Variants in ZNF567 observed in about 807,000 individuals in gnomAD.
The protein encoded by ZNF567 is zinc finger protein 567.
A neutral mutation model predicts 53.9 loss-of-function variants in ZNF567; 36 were observed. That is an observed-to-expected ratio of 0.67 (90% CI 0.51 to 0.88). ZNF567 has a LOEUF of 0.88. ZNF567 is among the 40% of genes least tolerant of loss of function. The probability of loss-of-function intolerance (pLI) is 0.00; values close to 1 mark genes in which losing one functional copy is unlikely to be tolerated. For synonymous variants in ZNF567, 224 were observed against 260.4 expected (o/e 0.86, Z 1.35); for missense variants, 619 against 764.7 (o/e 0.81, Z 2.25).
the ZNF567 span, among the ~76,000 whole-genome samples, chr19:36,674,949 C>T: frequency 1.3e-5 from 2 of 152,098 alleles, no homozygotes; most frequent in African/African-American, 4.8e-5. Flanking sequence ...AGATGGGTTT[C>T]ACCATGTTGG....
intron 2 of ZNF567, 91 bp from the exon 3 acceptor site, chr19:36,694,710 AG>A (rs1326964374): frequency 2.2e-5 from 14 of 634,976 alleles, no homozygotes; most frequent in East Asian, 1.8e-4. Context: ...GATCAATACA[AG>A]GGAAATGGAG....
At chr19:36,673,125 G>A in the ZNF567 span, among the ~76,000 whole-genome samples, 1 of 152,156 alleles carries the variant, frequency 6.6e-6, no homozygotes, top group Admixed American at 6.5e-5. Context: ...GGATATCAGG[G>A]AGAAGCATTA....
chr19:36,720,352 G>A lies in ZNF567; in HGVS notation c.1628G>A (p.Arg543His), dbSNP rs752551172. The part of the protein sequence containing the change: ...YVCNECGKSF[R>H]QKATLTVHQK... ...TGTAATGAATGTGGGAAGTCCTTTC[G>A]CCAGAAAGCAACCCTCACTGTACAT... Residue 543 changes from arginine to histidine, a missense_variant, in exon 6 of 6, where the codon CGC becomes CAC. Transcript: ENST00000682579. 2.0e-5 allele frequency: 32 copies of A among 1,613,992 alleles called. No individual in the cohort carries two copies. Among genetic ancestry groups the A allele is most frequent in the South Asian group, 3.3e-5 (3 of 91,082 alleles).
chr19:36,721,578 C>T (rs1274765631), downstream of ZNF567, among the ~76,000 whole-genome samples: 1 of 151,900 alleles, frequency 6.6e-6, no homozygotes, highest in South Asian at 2.1e-4. Flanking sequence ...CAAGCAAATT[C>T]GTATTGGAGG....
the ZNF567 span, among the ~76,000 whole-genome samples, chr19:36,667,656 C>CTTTTTTTTTTTTTTT: frequency 7.4e-6 from 1 of 134,924 alleles, no homozygotes; most frequent in Non-Finnish European, 1.6e-5. Flanking sequence ...TTTTTTTTTT[C>CTTTTTTTTTTTTTTT]TTTTTTTTTT....
the ZNF567 span, among the ~76,000 whole-genome samples, chr19:36,675,224 G>T: frequency 6.6e-6 from 1 of 152,120 alleles, no homozygotes; most frequent in Non-Finnish European, 1.5e-5. Flanking sequence ...CAGTATCACA[G>T]CCTATTAAAT....
At chr19:36,711,708 C>A (rs2039796824) in intron 3 of ZNF567, 1 of 152,198 alleles carries the variant, frequency 6.6e-6, no homozygotes, top group Non-Finnish European at 1.5e-5. Flanking sequence ...GTACATACTT[C>A]TTTGTTGTAC....
chr19:36,702,878 C>A (rs1224975628), intron 3 of ZNF567, among the ~76,000 whole-genome samples: 2 of 152,146 alleles, frequency 1.3e-5, no homozygotes, highest in Non-Finnish European at 2.9e-5. Flanking sequence ...GAATTTCTTC[C>A]TGTAGCTCAG....
At chr19:36,700,275 A>C (rs2039108034) in intron 3 of ZNF567, among the ~76,000 whole-genome samples, 1 of 146,638 alleles carries the variant, frequency 6.8e-6, no homozygotes, top group Non-Finnish European at 1.5e-5. Context: ...GATGAAGCCC[A>C]CTTGATCATG....
At chr19:36,693,009 G>A (rs1056276024) in intron 2 of ZNF567, among the ~76,000 whole-genome samples, 11 of 152,050 alleles carry the variant, frequency 7.2e-5, no homozygotes, top group East Asian at 5.8e-4. Flanking sequence ...GGGAGTAGGC[G>A]GTATGTGGTG....
chr19:36,716,748 A>G, intron 5 of ZNF567, among the ~76,000 whole-genome samples: 1 of 152,214 alleles, frequency 6.6e-6, no homozygotes, highest in Admixed American at 6.5e-5. Flanking sequence ...GTACCTACTC[A>G]TGCTGTGTCC....
the ZNF567 span, among the ~76,000 whole-genome samples, chr19:36,667,207 G>A: frequency 2.0e-5 from 3 of 152,128 alleles, no homozygotes. Flanking sequence ...TGACGGTGAG[G>A]GTGTAGCGCG....
intron 4 of ZNF567, 79 bp downstream of exon 4, chr19:36,712,591 A>C: frequency 9.5e-6 from 15 of 1,574,512 alleles, no homozygotes; most frequent in Non-Finnish European, 1.1e-5. Context: ...CTTGAATTTC[A>C]GGAATAAGAG....
At chr19:36,713,694 G>T (rs1415315530) in intron 5 of ZNF567, among the ~76,000 whole-genome samples, 1 of 152,110 alleles carries the variant, frequency 6.6e-6, no homozygotes, top group Non-Finnish European at 1.5e-5. Context: ...TAGCACTTCG[G>T]GAGGCTGAGG....
chr19:36,703,460 C>G (rs1207361570), intron 3 of ZNF567, among the ~76,000 whole-genome samples: 1 of 152,108 alleles, frequency 6.6e-6, no homozygotes, highest in East Asian at 1.9e-4. Flanking sequence ...CTCTTCAAAG[C>G]TGTCAGACAG....
At chr19:36,706,979 A>G (rs552868084) in intron 3 of ZNF567, among the ~76,000 whole-genome samples, 25 of 151,800 alleles carry the variant, frequency 1.6e-4, no homozygotes, top group Admixed American at 3.9e-4. Context: ...TTATTTACCT[A>G]TGTTTTAACG....
Position 36,720,198 on chromosome 19 carries a change from C to A in ZNF567, c.1474C>A (p.Leu492Ile). 1 of 1,614,004 alleles carries A rather than the reference C, an allele frequency of 6.2e-7. No homozygotes were observed. The highest frequency in any genetic ancestry group is 1.1e-5 in the South Asian group (1 of 91,074). ...GAAGGCCTTTAGAATGAAGTCATAC[C>A]TCATTGATCATCACCGAACTCACAC... The part of the protein sequence containing the change: ...CGKAFRMKSY[L>I]IDHHRTHTGE... The change falls in exon 6 of 6, where the codon CTC (leucine) becomes ATC (isoleucine). Residue 492 changes from leucine to isoleucine, a missense_variant. Transcript: ENST00000682579.
chr19:36,693,137 A>AG (rs2038706506), intron 2 of ZNF567, among the ~76,000 whole-genome samples: 1 of 152,004 alleles, frequency 6.6e-6, no homozygotes, highest in Non-Finnish European at 1.5e-5. Flanking sequence ...AAAAAAAAAA[A>AG]GTTAGCCGGT....
rs764425967 is a variant in ZNF567 at position 36,694,785 on chromosome 19, C to G, written c.-66-17C>G. 7.1e-7 allele frequency: 1 copy of G among 1,399,602 alleles called. No individual in the cohort carries two copies. Among genetic ancestry groups the G allele is most frequent in the African/African-American group, 1.5e-5 (1 of 67,872 alleles). 86.7% of individuals were successfully genotyped at this position (1,399,602 alleles called of 1,614,324 possible). On this transcript the variant is annotated splice_polypyrimidine_tract_variant and intron_variant, in intron 2 of 5. Transcript: ENST00000682579. ...TGGTCTCATGTGGCTTTTTTTGTCT[C>G]GGCTTTGCCTCCTTAGGAACTGCCT...
Sources: gnomAD v4.1 joint callset for allele counts (sites outside exome capture counted in the v4.1 genomes callset) on GRCh38, gnomAD v4.1.1 for gene constraint, MANE v1.5 for transcripts, NCBI Gene and HGNC (gene_info 2026-07-23, HGNC 2026-07-21) for gene names.